MYOM2: variants seen among roughly 807,000 people sequenced by gnomAD.
The protein encoded by MYOM2 is myomesin-2.
Under a neutral mutation model 187.6 loss-of-function variants are expected in MYOM2, and 254 were observed. The ratio of observed to expected loss-of-function variants is 1.35; its 90% CI spans 1.22 to 1.50. MYOM2 has a LOEUF of 1.50. Ranked by LOEUF, MYOM2 falls within the 40% of genes most tolerant of loss-of-function variation. MYOM2 has a pLI of 0.00. For synonymous variants in MYOM2, 981 were observed against 753.8 expected (o/e 1.30, Z -4.94); for missense variants, 2,796 against 1,924.0 (o/e 1.45, Z -8.48).
chr8:2,078,983 T>C (rs779867156), intron 12 of MYOM2, 50 bp downstream of exon 12: 13 of 1,574,992 alleles, frequency 8.3e-6, no homozygotes, highest in Non-Finnish European at 1.0e-5. Context: ...GCTTTGGCTG[T>C]TTTGTGTGTG....
At chr8:2,084,387 TAC>T (rs1354617736) in intron 13 of MYOM2, among the ~76,000 whole-genome samples, 2 of 152,220 alleles carry the variant, frequency 1.3e-5, no homozygotes, top group Non-Finnish European at 2.9e-5. Flanking sequence ...CCTGGCCTGC[TAC>T]AGAGTCCTGA....
chr8:2,086,513 T>TGGCCCCTCACTGTCGTGATCTCC (rs1796078518), intron 14 of MYOM2, among the ~76,000 whole-genome samples: 1 of 115,482 alleles, frequency 8.7e-6, no homozygotes, highest in Admixed American at 9.2e-5. Flanking sequence ...TCGTGATCTC[T>TGGCCCCTCACTGTCGTGATCTCC]GCGTGGCCCC....
rs191774050 is a variant in MYOM2 at position 2,141,835 on chromosome 8, G to T, written c.4002-540G>T. ...ATGGCGATGCTAGTCCAAGATGGCG[G>T]TGCTGCTGCTCTGCCAGTCATCATC... On this transcript the variant is annotated intron_variant, in intron 34 of 36. Coordinates refer to ENST00000262113, the MANE Select transcript of MYOM2 (RefSeq NM_003970.4). Among the ~76,000 whole-genome samples the T allele has an allele frequency of 4.7e-3, 711 of 152,268 alleles. 7 individuals carry two copies. The highest frequency in any genetic ancestry group is 0.016 in the African/African-American group (675 of 41,542).
chr8:2,065,340 G>T (rs911041851), intron 6 of MYOM2, among the ~76,000 whole-genome samples: 18 of 152,180 alleles, frequency 1.2e-4, no homozygotes, highest in African/African-American at 3.6e-4. Context: ...GGAGGCCGAG[G>T]CAGGTGAATC....
rs1818770043 is a variant in MYOM2 at position 2,059,162 on chromosome 8, T to C, written c.570T>C (p.Asp190=). 6.2e-7 allele frequency: 1 copy of C among 1,614,100 alleles called. No homozygotes were observed. The part of the protein sequence containing the change: ...FPTPVVQWYK[D]GSLICQAAEP... Reference sequence around the variant, plus strand: ...TGCCTCCCTCATTTAGGTACAAAGATGGCAGTCTGATTTGCCAGGCGGCTG... The same window carrying C: ...TGCCTCCCTCATTTAGGTACAAAGACGGCAGTCTGATTTGCCAGGCGGCTG... Residue 190 remains aspartate (D), a synonymous_variant, in exon 6 of 37, where the codon GAT becomes GAC. Transcript: ENST00000262113.
chr8:2,106,705 C>T, intron 23 of MYOM2, 108 bp downstream of exon 23: 1 of 826,344 alleles, frequency 1.2e-6, no homozygotes, highest in South Asian at 1.9e-5. Context: ...CGTATGTTTG[C>T]AGGAGGCTGG....
In MYOM2 at chr8:2,117,942, T is replaced by C. The variant is rs544182736; in HGVS notation, c.3443T>C (p.Leu1148Pro). The change falls in exon 28 of 37, where the codon CTT becomes CCT. Residue 1148 changes from leucine to proline, a missense_variant. Leu to Pro is a moderately conservative substitution (Grantham distance 98). Transcript: ENST00000262113. ...GTCACGGAAGAATGTGAAGTTCGAC[T>C]TGTTTGCAAGGTGAGAAACCCGGTT... ...WDVTEECEVR[L>P]VCKVANTKKE... 4 of 1,613,220 alleles carry C rather than the reference T, an allele frequency of 2.5e-6. No individual in the cohort carries two copies. Among genetic ancestry groups the C allele is most frequent in the African/African-American group, 2.7e-5 (2 of 75,016 alleles).
At chr8:2,092,556 G>T (rs1287304303) in intron 16 of MYOM2, 36 bp downstream of exon 16, 3 of 1,604,676 alleles carry the variant, frequency 1.9e-6, no homozygotes, top group Non-Finnish European at 8.5e-7. Context: ...AGTCAGCCTT[G>T]CAGGAGTAGC....
In MYOM2 at chr8:2,052,499, CAATT is replaced by C. The variant is rs1322311381; in HGVS notation, c.263+190_263+193del. 3.3e-5 allele frequency among the ~76,000 whole-genome samples: 5 copies of C among 152,350 alleles called. No individual in the cohort carries two copies. In the South Asian group the frequency reaches 6.2e-4, roughly 19 times the overall value. On this transcript the variant is annotated intron_variant, in intron 3 of 36. Transcript: ENST00000262113. Reference sequence around the variant, plus strand: ...CTGCTTCTCTTTACCATCATTATCTCAATTAATCTGAACAAGAAAACTACTGGGC... The same window carrying C: ...CTGCTTCTCTTTACCATCATTATCTCAATCTGAACAAGAAAACTACTGGGC...
At position 2,120,675 on chromosome 8, in the gene MYOM2, T is replaced by TAA. The variant is rs1220891042; in HGVS notation, c.3454-2577_3454-2576insAA. Among the ~76,000 whole-genome samples, 30 of 41,422 alleles carry TAA rather than the reference T, an allele frequency of 7.2e-4. 3 individuals carry two copies. Among genetic ancestry groups the TAA allele is most frequent in the East Asian group, 4.9e-3 (8 of 1,644 alleles). The allele number at this position is 41,422 out of a possible 152,430, so 27.2% of individuals were successfully genotyped here. On this transcript the variant is annotated intron_variant, in intron 28 of 36. Transcript: ENST00000262113. ...GATTTCCTGTATATATATATATATA[T>TAA]TATATTATATATAAATATATAATAT...
intron 17 of MYOM2, 32 bp from the exon 18 acceptor site, chr8:2,096,215 C>T (rs756919479): frequency 1.1e-5 from 17 of 1,596,056 alleles, no homozygotes; most frequent in Non-Finnish European, 1.3e-5. Context: ...AGCTGAGGCC[C>T]TCGGTAACTC....
chr8:2,081,132 G>A (rs1385583404), intron 13 of MYOM2, among the ~76,000 whole-genome samples: 1 of 128,560 alleles, frequency 7.8e-6, no homozygotes, highest in Non-Finnish European at 1.6e-5. Context: ...TGGCCTGCGG[G>A]AGGAACAGGC....
At chr8:2,093,861 T>A in intron 16 of MYOM2, 109 bp from the exon 17 acceptor site, 2 of 1,287,982 alleles carry the variant, frequency 1.6e-6, no homozygotes, top group South Asian at 2.8e-5. Flanking sequence ...GAAGGATGTA[T>A]GTTATCCATA....
In MYOM2 at chr8:2,116,035, G is replaced by T; in HGVS notation, c.3256G>T (p.Gly1086Trp). 6.2e-7 allele frequency: 1 copy of T among 1,613,972 alleles called. No individual in the cohort carries two copies. The highest frequency in any genetic ancestry group is 8.5e-7 in the Non-Finnish European group (1 of 1,179,966). The change falls in exon 26 of 37, where the codon GGG becomes TGG. Residue 1086 changes from glycine (G) to tryptophan (W), a missense_variant. By Grantham distance (184) the Gly-to-Trp change is radical. Transcript: ENST00000262113. The stretch of plus-strand genomic sequence containing the variant: ...GGATCGATTTAGTATTGAAAATGAG[G>T]GGACCTACACTGTGCAGATTCATGA... ...VMDRFSIENE[G>W]TYTVQIHDGK...
chr8:2,118,345 C>T (rs1043961443), intron 28 of MYOM2, among the ~76,000 whole-genome samples: 1 of 152,150 alleles, frequency 6.6e-6, no homozygotes, highest in Non-Finnish European at 1.5e-5. Context: ...TTTCGTTTAA[C>T]AATGTAGTAA....
chr8:2,119,261 A>G (rs1797346616), intron 28 of MYOM2: 1 of 152,458 alleles, frequency 6.6e-6, no homozygotes, highest in Admixed American at 6.5e-5. Flanking sequence ...TCAAGCTGCC[A>G]AAGGACAGCC....
chr8:2,144,520 A>G (rs1475439492), intron 36 of MYOM2, 144 bp from the exon 37 acceptor site: 3 of 802,986 alleles, frequency 3.7e-6, no homozygotes, highest in Non-Finnish European at 6.0e-6. Flanking sequence ...AGCGGCGCTC[A>G]TGTACATAAA....
intron 8 of MYOM2, 49 bp downstream of exon 8, chr8:2,069,546 T>C (rs942339640): frequency 3.7e-6 from 6 of 1,603,344 alleles, no homozygotes; most frequent in South Asian, 1.1e-5. Context: ...TTTAGTGACA[T>C]AGCAGACAAT....
At chr8:2,092,649 C>A in intron 16 of MYOM2, 129 bp downstream of exon 16, 1 of 893,610 alleles carries the variant, frequency 1.1e-6, no homozygotes, top group Non-Finnish European at 1.6e-6. Context: ...GTCTTAGCCA[C>A]ACACAAGGGC....
Sources: gnomAD v4.1 joint callset for allele counts (sites outside exome capture counted in the v4.1 genomes callset) on GRCh38, gnomAD v4.1.1 for gene constraint, MANE v1.5 for transcripts, NCBI Gene and HGNC (gene_info 2026-07-23, HGNC 2026-07-21) for gene names.